The following CADPS2 variants were observed in gnomAD, a reference collection of about 807,000 sequenced individuals.
The protein encoded by CADPS2 is calcium-dependent secretion activator 2.
Under a neutral mutation model 172.5 loss-of-function variants are expected in CADPS2, and 93 were observed. The ratio of observed to expected loss-of-function variants is 0.54; its 90% CI spans 0.46 to 0.64. CADPS2 has a LOEUF of 0.64. Ranked by LOEUF, CADPS2 falls within the 30% of genes least tolerant of loss-of-function variation. The pLI, the probability that CADPS2 is intolerant of heterozygous loss-of-function variation, is 0.00. For missense variants in CADPS2, 1,420 were observed against 1,565.9 expected (o/e 0.91, Z 1.57); for synonymous variants, 546 against 555.2 (o/e 0.98, Z 0.23).
intron 25 of CADPS2, among the ~76,000 whole-genome samples, chr7:122,367,539 G>GTTTTTTTTTT (rs202155427): frequency 2.0e-5 from 2 of 100,618 alleles, no homozygotes; most frequent in Non-Finnish European, 3.6e-5. Context: ...CCTTCCCCCA[G>GTTTTTTTTTT]TTTTTTTTTT....
At chr7:122,574,572 G>A (rs756517198) in intron 7 of CADPS2, among the ~76,000 whole-genome samples, 17 of 151,394 alleles carry the variant, frequency 1.1e-4, no homozygotes, top group South Asian at 2.1e-4. Flanking sequence ...CTGGGGCAGG[G>A]AGAGTACAAG....
chr7:122,785,907 T>G (rs1421170409), intron 1 of CADPS2, among the ~76,000 whole-genome samples: 1 of 152,192 alleles, frequency 6.6e-6, no homozygotes, highest in Non-Finnish European at 1.5e-5. Context: ...TGAGATCAGT[T>G]GCCTATAGGT....
intron 1 of CADPS2, among the ~76,000 whole-genome samples, chr7:122,783,202 A>AAAAAAC (rs1793209471): frequency 6.6e-6 from 1 of 151,834 alleles, no homozygotes; most frequent in South Asian, 2.1e-4. Flanking sequence ...CAAAAAAAAA[A>AAAAAAC]AAAAACAAAA....
intron 20 of CADPS2, among the ~76,000 whole-genome samples, chr7:122,396,872 T>C (rs1281186195): frequency 6.6e-6 from 1 of 152,206 alleles, no homozygotes; most frequent in Non-Finnish European, 1.5e-5. Context: ...ATGTCTGTAT[T>C]CTAAGTTCCA....
chr7:122,720,100 T>C (rs927105612), intron 2 of CADPS2, among the ~76,000 whole-genome samples: 1 of 152,100 alleles, frequency 6.6e-6, no homozygotes, highest in Non-Finnish European at 1.5e-5. Flanking sequence ...AATCAGTGGA[T>C]ACTTGAAAGG....
At chr7:122,702,107 G>C (rs759923279) in intron 2 of CADPS2, 2 of 1,613,606 alleles carry the variant, frequency 1.2e-6, no homozygotes, top group Admixed American at 3.3e-5. Context: ...GGGCACTCTA[G>C]GTGTAAGTCT....
At chr7:122,819,549 C>T (rs928349547) in intron 1 of CADPS2, among the ~76,000 whole-genome samples, 23 of 152,146 alleles carry the variant, frequency 1.5e-4, no homozygotes, top group African/African-American at 4.6e-4. Context: ...GTTTCCCTTG[C>T]CTCCATAACT....
intron 2 of CADPS2, among the ~76,000 whole-genome samples, chr7:122,720,625 T>C (rs2090271814): frequency 6.6e-6 from 1 of 151,702 alleles, no homozygotes; most frequent in Admixed American, 6.6e-5. Flanking sequence ...TACATATATG[T>C]ACGTATGTGT....
intron 15 of CADPS2, among the ~76,000 whole-genome samples, chr7:122,450,076 A>G (rs1285139896): frequency 6.6e-6 from 1 of 152,226 alleles, no homozygotes; most frequent in East Asian, 1.9e-4. Flanking sequence ...AAAGAATAAT[A>G]ATGAGGCAAT....
intron 3 of CADPS2, among the ~76,000 whole-genome samples, chr7:122,639,091 A>G (rs961822150): frequency 1.3e-5 from 2 of 152,206 alleles, no homozygotes; most frequent in East Asian, 1.9e-4. Context: ...CATACTTCCA[A>G]GCAACATGTT....
intron 1 of CADPS2, among the ~76,000 whole-genome samples, chr7:122,820,684 C>G (rs1489467710): frequency 7.5e-6 from 1 of 132,454 alleles, no homozygotes; most frequent in African/African-American, 2.9e-5. Flanking sequence ...CTCAGCCTCC[C>G]GAGTAGCTGG....
intron 15 of CADPS2, among the ~76,000 whole-genome samples, chr7:122,447,296 T>C (rs1003667034): frequency 6.6e-6 from 1 of 151,958 alleles, no homozygotes; most frequent in East Asian, 1.9e-4. Flanking sequence ...CTTAATCTAA[T>C]ACAATTCCAA....
At chr7:122,581,644 C>T (rs902765006) in intron 6 of CADPS2, among the ~76,000 whole-genome samples, 1 of 151,938 alleles carries the variant, frequency 6.6e-6, no homozygotes, top group Non-Finnish European at 1.5e-5. Flanking sequence ...GGGAAAATTG[C>T]TCAGGGTTTG....
chr7:122,425,425 C>CAAAAAAAA (rs71159797), intron 17 of CADPS2, among the ~76,000 whole-genome samples: 2 of 72,678 alleles, frequency 2.8e-5, no homozygotes, highest in Non-Finnish European at 5.3e-5. Context: ...CTATCTCTAC[C>CAAAAAAAA]AAAAAAAAAA....
chr7:122,843,176 C>A (rs894953851), intron 1 of CADPS2, among the ~76,000 whole-genome samples: 1 of 151,980 alleles, frequency 6.6e-6, no homozygotes, highest in Non-Finnish European at 1.5e-5. Context: ...CCAGATAACT[C>A]TCATTTTTGA....
chr7:122,428,258 T>C (rs948973220), intron 17 of CADPS2, among the ~76,000 whole-genome samples: 1 of 152,100 alleles, frequency 6.6e-6, no homozygotes. Context: ...TACGTAAAAA[T>C]CACCGTTGCC....
chr7:122,491,391 A>G lies in CADPS2; in HGVS notation c.1572T>C (p.Ser524=). ...GTGGTTCAGACTTCTTTTCTCTATA[A>G]CTGCACATAGCAAAGGTATATTGGC... The part of the protein sequence containing the change: ...QVSQYTFAMC[S]YREKKSEPQE... Residue 524 remains serine, a synonymous_variant, in exon 10 of 30, where the codon AGT becomes AGC. Coordinates refer to ENST00000449022, the MANE Select transcript of CADPS2 (RefSeq NM_017954.11). 6.2e-7 allele frequency: 1 copy of G among 1,610,848 alleles called. No homozygotes were observed. Among genetic ancestry groups the G allele is most frequent in the South Asian group, 1.1e-5 (1 of 90,562 alleles).
chr7:122,430,044 C>T (rs184209299), intron 17 of CADPS2, among the ~76,000 whole-genome samples: 20 of 152,236 alleles, frequency 1.3e-4, no homozygotes, highest in Non-Finnish European at 1.9e-4. Flanking sequence ...AGTACAACTT[C>T]TCCTCTCAAA....
intron 2 of CADPS2, among the ~76,000 whole-genome samples, chr7:122,723,873 T>C (rs891854397): frequency 2.6e-5 from 4 of 152,098 alleles, no homozygotes; most frequent in African/African-American, 4.8e-5. Flanking sequence ...TTCATGTCCT[T>C]TGTAGGGACA....
Sources: gnomAD v4.1 joint callset for allele counts (sites outside exome capture counted in the v4.1 genomes callset) on GRCh38, gnomAD v4.1.1 for gene constraint, MANE v1.5 for transcripts, NCBI Gene and HGNC (gene_info 2026-07-23, HGNC 2026-07-21) for gene names.